Variants in ITPRIPL2 observed in about 807,000 individuals in gnomAD.
ITPRIPL2 encodes the protein inositol 1,4,5-trisphosphate receptor-interacting protein-like 2.
A neutral mutation model predicts 31.7 loss-of-function variants in ITPRIPL2; 29 were observed. The ratio of observed to expected loss-of-function variants is 0.91; its 90% CI spans 0.68 to 1.25. The LOEUF is 1.25. Among genes scored for constraint, ITPRIPL2 ranks in the 50% most tolerant of loss-of-function variants. ITPRIPL2 has a pLI of 0.00. For synonymous variants in ITPRIPL2, 344 were observed against 343.4 expected, an observed-to-expected ratio of 1.00 and a Z score of -0.02; for missense variants, 696 against 739.1, an observed-to-expected ratio of 0.94 and a Z score of 0.68.
chr16:19,119,143 G>T lies in ITPRIPL2; in HGVS notation c.*3074G>T. 2.4e-6 allele frequency: 1 copy of T among 413,286 alleles called. No homozygotes were observed. The highest frequency in any genetic ancestry group is 1.3e-4 in the South Asian group (1 of 7,768). 25.6% of individuals were successfully genotyped at this position (413,286 alleles called of 1,614,324 possible). On this transcript the variant is annotated 3_prime_UTR_variant, in exon 1 of 1. Coordinates refer to ENST00000381440, the MANE Select transcript of ITPRIPL2 (RefSeq NM_001034841.4). ...TGGGAGCCTTCCTGGAATGATCGTGGGCTGAGCGGAGATGTTTTTTGCAAA... is the reference window on the plus strand; with the variant it reads ...TGGGAGCCTTCCTGGAATGATCGTGTGCTGAGCGGAGATGTTTTTTGCAAA...
chr16:19,115,124 G>C lies in ITPRIPL2; in HGVS notation c.663G>C (p.Ser221=). 6.2e-7 allele frequency: 1 copy of C among 1,602,038 alleles called. No homozygotes were observed. The highest frequency in any genetic ancestry group is 1.1e-5 in the South Asian group (1 of 91,082). The change falls in exon 1 of 1, where the codon TCG becomes TCC. Residue 221 remains serine, a synonymous_variant. Coordinates refer to ENST00000381440, the MANE Select transcript of ITPRIPL2 (RefSeq NM_001034841.4). ...CACCACCCTCACCATCGGGGGCCTCGGGGGGCCACTGGCTTCGGGACTGCA... is the reference window on the plus strand; with the variant it reads ...CACCACCCTCACCATCGGGGGCCTCCGGGGGCCACTGGCTTCGGGACTGCA... ...LKAPPSPSGA[S]GGHWLRDCKP...
chr16:19,121,484 C>CCCCA lies in ITPRIPL2; in HGVS notation c.*5416_*5419dup, dbSNP rs1309926247. On this transcript the variant is annotated 3_prime_UTR_variant, in exon 1 of 1. Coordinates refer to ENST00000381440, the MANE Select transcript of ITPRIPL2 (RefSeq NM_001034841.4). ...GTATGATTCAAAGGCAATTTAATCA[C>CCCCA]CCCAAATTTCCATGGCCCCCACAGT... is the stretch of plus-strand genomic sequence containing the variant. 6.0e-6 allele frequency: 1 copy of CCCCA among 167,018 alleles called. No homozygotes were observed. The highest frequency in any genetic ancestry group is 6.5e-5 in the Admixed American group (1 of 15,270). 10.3% of individuals were successfully genotyped at this position (167,018 alleles called of 1,614,324 possible). A position where few individuals can be genotyped will look rare whatever the true frequency, so the allele number is the denominator to read the frequency against.
In ITPRIPL2 at chr16:19,114,548, C is replaced by T. The variant is rs1963405061; in HGVS notation, c.87C>T (p.Val29=). 6.5e-7 allele frequency: 1 copy of T among 1,530,524 alleles called. No individual in the cohort carries two copies. 94.8% of individuals were successfully genotyped at this position (1,530,524 alleles called of 1,614,324 possible). Residue 29 remains valine, a synonymous_variant, in exon 1 of 1, where the codon GTC becomes GTT. Coordinates refer to ENST00000381440, the MANE Select transcript of ITPRIPL2 (RefSeq NM_001034841.4). ...CCGCCCTGGTGTGCCTCTACCATGT[C>T]CTGCGGGGAAGCGGGGGCGCCCGGG... The part of the protein sequence containing the change: ...LCTALVCLYH[V]LRGSGGARAE...
chr16:19,115,023 CT>C lies in ITPRIPL2; in HGVS notation c.563del (p.Leu188ArgfsTer91). Reference sequence around the variant, plus strand: ...ACTGCGCCTCCCGCCGCTTGTGGCGCTGGAGCCACGGAGCCTGGGCGAGGAG... The same window carrying C: ...ACTGCGCCTCCCGCCGCTTGTGGCGCGGAGCCACGGAGCCTGGGCGAGGAG... ...VPLRLPPLVA[L>X]EPRSLGEEPA... On this transcript the variant is annotated frameshift_variant, in exon 1 of 1. Transcript: ENST00000381440. LOFTEE classifies it high-confidence loss of function. The C allele has an allele frequency of 6.3e-7, 1 of 1,598,546 alleles. No individual in the cohort carries two copies. Among genetic ancestry groups the C allele is most frequent in the African/African-American group, 1.3e-5 (1 of 75,050 alleles).
Position 19,116,179 on chromosome 16 carries a change from A to T in ITPRIPL2, c.*110A>T. 8.7e-7 allele frequency: 1 copy of T among 1,152,908 alleles called. No individual in the cohort carries two copies. Among genetic ancestry groups the T allele is most frequent in the Non-Finnish European group, 1.2e-6 (1 of 812,372 alleles). The allele number at this position is 1,152,908 out of a possible 1,614,324, so 71.4% of individuals were successfully genotyped here. ...ATGCAAGATTGCAGAAGGCATTGGA[A>T]AATTTGGTGGCTGCCACAAGCTTTA... On this transcript the variant is annotated 3_prime_UTR_variant, in exon 1 of 1. Transcript: ENST00000381440.
rs370538130 is a variant in ITPRIPL2, at chr16:19,115,452, A to T, written c.991A>T (p.Ser331Cys). Residue 331 changes from serine to cysteine, a missense_variant, in exon 1 of 1, where the codon AGC (serine) becomes TGC (cysteine). By Grantham distance (112) the Ser-to-Cys change is moderately radical. Coordinates refer to ENST00000381440, the MANE Select transcript of ITPRIPL2 (RefSeq NM_001034841.4). ...LVAPPPPPLPSAPLLELPEGL... is the reference protein window; with the variant it reads ...LVAPPPPPLPCAPLLELPEGL... ...GGCGCCACCACCGCCACCCTTGCCCAGCGCGCCCCTGTTGGAGCTCCCTGA... is the reference window on the plus strand; with the variant it reads ...GGCGCCACCACCGCCACCCTTGCCCTGCGCGCCCCTGTTGGAGCTCCCTGA... The T allele has an allele frequency of 4.4e-5, 71 of 1,609,222 alleles. No individual in the cohort carries two copies. In the Middle Eastern group the frequency reaches 8.2e-4, roughly 19 times the overall value.
rs1467579205 is a variant in ITPRIPL2 at position 19,115,123 on chromosome 16, CG to C, written c.668del (p.Gly223AlafsTer56). 2 of 1,601,926 alleles carry C rather than the reference CG, an allele frequency of 1.2e-6. No homozygotes were observed. Among genetic ancestry groups the C allele is most frequent in the South Asian group, 1.1e-5 (1 of 91,082 alleles). On this transcript the variant is annotated frameshift_variant, in exon 1 of 1. Coordinates refer to ENST00000381440, the MANE Select transcript of ITPRIPL2 (RefSeq NM_001034841.4). LOFTEE classifies it high-confidence loss of function. ...LKAPPSPSGA[S>X]GGHWLRDCKP... Reference sequence around the variant, plus strand: ...GCACCACCCTCACCATCGGGGGCCTCGGGGGGCCACTGGCTTCGGGACTGCA... The same window carrying C: ...GCACCACCCTCACCATCGGGGGCCTCGGGGGCCACTGGCTTCGGGACTGCA...
Position 19,121,463 on chromosome 16 carries a change from G to A in ITPRIPL2, c.*5394G>A, listed in dbSNP as rs1011909426. 6.0e-6 allele frequency: 1 copy of A among 166,846 alleles called. No homozygotes were observed. Among genetic ancestry groups the A allele is most frequent in the Non-Finnish European group, 1.5e-5 (1 of 68,082 alleles). 10.3% of individuals were successfully genotyped at this position (166,846 alleles called of 1,614,324 possible). ...TATGGTTCAGCTGCTACAATTGTAT[G>A]ATTCAAAGGCAATTTAATCACCCCA... On this transcript the variant is annotated 3_prime_UTR_variant, in exon 1 of 1. Coordinates refer to ENST00000381440, the MANE Select transcript of ITPRIPL2 (RefSeq NM_001034841.4).
At position 19,114,491 on chromosome 16, in the gene ITPRIPL2, C is replaced by G; in HGVS notation, c.30C>G (p.Arg10=). ...CGGTGCACTACACCCTCAATCTACG[C>G]GTCTTCTGGCCCCTGGTGACCGGCC... is the stretch of plus-strand genomic sequence containing the variant. MSVHYTLNL[R]VFWPLVTGLC... Residue 10 remains arginine, a synonymous_variant, in exon 1 of 1, where the codon CGC becomes CGG. Coordinates refer to ENST00000381440, the MANE Select transcript of ITPRIPL2 (RefSeq NM_001034841.4). The G allele has an allele frequency of 5.5e-6, 8 of 1,448,606 alleles. No homozygotes were observed. The highest frequency in any genetic ancestry group is 7.3e-6 in the Non-Finnish European group (8 of 1,099,748). The allele number at this position is 1,448,606 out of a possible 1,614,324, so 89.7% of individuals were successfully genotyped here.
At position 19,114,434 on chromosome 16, in the gene ITPRIPL2, T is replaced by A; in HGVS notation, c.-28T>A. The A allele has an allele frequency of 7.2e-7, 1 of 1,386,654 alleles. No homozygotes were observed. Among genetic ancestry groups the A allele is most frequent in the South Asian group, 1.7e-5 (1 of 57,710 alleles). 85.9% of individuals were successfully genotyped at this position (1,386,654 alleles called of 1,614,324 possible). A position where few individuals can be genotyped will look rare whatever the true frequency, so the allele number is the denominator to read the frequency against. The stretch of plus-strand genomic sequence containing the variant: ...CGCCGGGGCTTGCCCCCTGGGCTGC[T>A]CGGCCACCGCCGCCCCGGGCGCCCG... On this transcript the variant is annotated 5_prime_UTR_variant, in exon 1 of 1. Transcript: ENST00000381440.
In ITPRIPL2 at chr16:19,114,409, C is replaced by A. The variant is rs1963402345; in HGVS notation, c.-53C>A. ...TGTGCGCATGCTGGGCTTGGGTCGC[C>A]GCCGGGGCTTGCCCCCTGGGCTGCT... On this transcript the variant is annotated 5_prime_UTR_variant, in exon 1 of 1. Transcript: ENST00000381440. 1 of 1,284,222 alleles carries A rather than the reference C, an allele frequency of 7.8e-7. No individual in the cohort carries two copies. The highest frequency in any genetic ancestry group is 1.6e-5 in the African/African-American group (1 of 64,512). 79.6% of individuals were successfully genotyped at this position (1,284,222 alleles called of 1,614,324 possible).
In ITPRIPL2 at chr16:19,115,889, C is replaced by T. The variant is rs1483106141; in HGVS notation, c.1428C>T (p.Ala476=). Residue 476 remains alanine, a synonymous_variant, in exon 1 of 1, where the codon GCC becomes GCT. Coordinates refer to ENST00000381440, the MANE Select transcript of ITPRIPL2 (RefSeq NM_001034841.4). ...GPLPKALREA[A]PVDLLAAFDG... ...TGCCCAAGGCACTGAGGGAAGCCGC[C>T]CCAGTTGACCTCCTGGCCGCTTTCG... 2.5e-6 allele frequency: 4 copies of T among 1,611,776 alleles called. No homozygotes were observed. Among genetic ancestry groups the T allele is most frequent in the Admixed American group, 3.3e-5 (2 of 59,968 alleles).
rs1963455146 is a variant in ITPRIPL2, at chr16:19,117,177, A to G, written c.*1108A>G. ...GAGCTTAATGAGCTAATGAAGAGGA[A>G]ATGCCTGCTGCTTAGCATGTGGTTT... On this transcript the variant is annotated 3_prime_UTR_variant, in exon 1 of 1. Coordinates refer to ENST00000381440, the MANE Select transcript of ITPRIPL2 (RefSeq NM_001034841.4). 6.0e-6 allele frequency: 1 copy of G among 167,136 alleles called. No homozygotes were observed. Among genetic ancestry groups the G allele is most frequent in the Non-Finnish European group, 1.5e-5 (1 of 68,136 alleles). The allele number at this position is 167,136 out of a possible 1,614,324, so 10.4% of individuals were successfully genotyped here. A position where few individuals can be genotyped will look rare whatever the true frequency, so the allele number is the denominator to read the frequency against.
At position 19,116,124 on chromosome 16, in the gene ITPRIPL2, G is replaced by C. The variant is rs756659220; in HGVS notation, c.*55G>C. On this transcript the variant is annotated 3_prime_UTR_variant, in exon 1 of 1. Coordinates refer to ENST00000381440, the MANE Select transcript of ITPRIPL2 (RefSeq NM_001034841.4). Reference sequence around the variant, plus strand: ...GCTCCTAAAGCCTTTCCCACTGGGTGGGGGTGGGAATGGCGGTGAAGCCAG... The same window carrying C: ...GCTCCTAAAGCCTTTCCCACTGGGTCGGGGTGGGAATGGCGGTGAAGCCAG... The C allele has an allele frequency of 5.5e-5, 82 of 1,486,714 alleles. No homozygotes were observed. Among genetic ancestry groups the C allele is most frequent in the Non-Finnish European group, 6.8e-5 (75 of 1,106,374 alleles). 92.1% of individuals were successfully genotyped at this position (1,486,714 alleles called of 1,614,324 possible).
In ITPRIPL2 at chr16:19,115,152, C is replaced by G. The variant is rs1161196566; in HGVS notation, c.691C>G (p.Pro231Ala). The change falls in exon 1 of 1, where the codon CCC (proline) becomes GCC (alanine). Residue 231 changes from proline (P) to alanine (A), a missense_variant. Transcript: ENST00000381440. Reference protein sequence around the residue: ...SGGHWLRDCKPFADAFCVDVR... With the variant: ...SGGHWLRDCKAFADAFCVDVR... Reference sequence around the variant, plus strand: ...GGGCCACTGGCTTCGGGACTGCAAACCCTTTGCTGATGCCTTCTGCGTGGA... The same window carrying G: ...GGGCCACTGGCTTCGGGACTGCAAAGCCTTTGCTGATGCCTTCTGCGTGGA... 6.2e-7 allele frequency: 1 copy of G among 1,604,374 alleles called. No homozygotes were observed. Among genetic ancestry groups the G allele is most frequent in the Admixed American group, 1.7e-5 (1 of 60,002 alleles).
Position 19,119,301 on chromosome 16 carries a change from TGAGA to T in ITPRIPL2, c.*3236_*3239del. ...ATGAAGTGAAAATGGCGTGAGGGTG[TGAGA>T]GAGGTTTGGGTTAGGAAACATGTTT... On this transcript the variant is annotated 3_prime_UTR_variant, in exon 1 of 1. Transcript: ENST00000381440. 1 of 384,988 alleles carries T rather than the reference TGAGA, an allele frequency of 2.6e-6. No homozygotes were observed. Among genetic ancestry groups the T allele is most frequent in the Non-Finnish European group, 4.8e-6 (1 of 209,000 alleles). 23.8% of individuals were successfully genotyped at this position (384,988 alleles called of 1,614,324 possible).
rs575539413 is a variant in ITPRIPL2 at position 19,116,099 on chromosome 16, G to A, written c.*30G>A. ...TGACAGCACCCCCACCTGACCAAAT[G>A]CTCCTAAAGCCTTTCCCACTGGGTG... On this transcript the variant is annotated 3_prime_UTR_variant, in exon 1 of 1. Coordinates refer to ENST00000381440, the MANE Select transcript of ITPRIPL2 (RefSeq NM_001034841.4). 4 of 1,528,812 alleles carry A rather than the reference G, an allele frequency of 2.6e-6. No individual in the cohort carries two copies. Among genetic ancestry groups the A allele is most frequent in the South Asian group, 1.3e-5 (1 of 78,220 alleles). The allele number at this position is 1,528,812 out of a possible 1,614,324, so 94.7% of individuals were successfully genotyped here.
Position 19,115,612 on chromosome 16 carries a change from A to T in ITPRIPL2, c.1151A>T (p.Asp384Val), listed in dbSNP as rs753755465. ...KCLQLLKALR[D>V]LGARGLDSAA... ...CTGCAGTTGCTTAAGGCTCTGCGCGATCTGGGGGCCCGTGGGCTGGACTCA... is the reference window on the plus strand; with the variant it reads ...CTGCAGTTGCTTAAGGCTCTGCGCGTTCTGGGGGCCCGTGGGCTGGACTCA... The change falls in exon 1 of 1, where the codon GAT becomes GTT. Residue 384 changes from aspartate (D) to valine (V), a missense_variant. Transcript: ENST00000381440. 5 of 1,608,592 alleles carry T rather than the reference A, an allele frequency of 3.1e-6. No individual in the cohort carries two copies. Among genetic ancestry groups the T allele is most frequent in the South Asian group, 1.1e-5 (1 of 90,884 alleles).
In ITPRIPL2 at chr16:19,115,433, ACCACCG is replaced by A; in HGVS notation, c.978_983del (p.Pro327_Pro328del). On this transcript the variant is annotated inframe_deletion, in exon 1 of 1. Coordinates refer to ENST00000381440, the MANE Select transcript of ITPRIPL2 (RefSeq NM_001034841.4). ...GAGATGGGGTCTTCCTTGTGGCGCC[ACCACCG>A]CCACCCTTGCCCAGCGCGCCCCTGT... is the stretch of plus-strand genomic sequence containing the variant. 1 of 1,610,384 alleles carries A rather than the reference ACCACCG, an allele frequency of 6.2e-7. No individual in the cohort carries two copies. The highest frequency in any genetic ancestry group is 8.5e-7 in the Non-Finnish European group (1 of 1,179,974).
Sources: allele counts gnomAD v4.1 joint callset, GRCh38; gene constraint gnomAD v4.1.1; transcripts MANE v1.5; gene names NCBI Gene and HGNC (gene_info 2026-07-23, HGNC 2026-07-21).